The following ATXN10 variants were observed in gnomAD, a reference collection of about 807,000 sequenced individuals.
ATXN10 encodes ataxin 10.
ATXN10 carries 28 observed loss-of-function variants against 52.9 expected under a neutral mutation model. That is an observed-to-expected ratio of 0.53 (90% CI 0.39 to 0.73). The LOEUF (loss-of-function observed/expected upper bound fraction) is 0.73. Among genes scored for constraint, ATXN10 ranks in the 30% least tolerant of loss-of-function variants. ATXN10 has a pLI of 0.00. For synonymous variants in ATXN10, 226 were observed against 221.5 expected (o/e 1.02, Z -0.18); for missense variants, 565 against 577.0 (o/e 0.98, Z 0.21).
At chr22:45,791,631 C>G (rs1006994145) in intron 9 of ATXN10, among the ~76,000 whole-genome samples, 5 of 152,120 alleles carry the variant, frequency 3.3e-5, no homozygotes, top group Non-Finnish European at 7.4e-5. Flanking sequence ...AAAAGTCTGC[C>G]TGAACATGAT....
intron 1 of ATXN10, chr22:45,673,142 A>C (rs1569017974): frequency 6.6e-6 from 1 of 152,218 alleles, no homozygotes; most frequent in African/African-American, 2.4e-5. Context: ...CACTAAATGT[A>C]GCTGATATTA....
chr22:45,797,414 T>A (rs940570025), intron 9 of ATXN10, among the ~76,000 whole-genome samples: 1 of 152,234 alleles, frequency 6.6e-6, no homozygotes, highest in Non-Finnish European at 1.5e-5. Flanking sequence ...ATATCTCTAA[T>A]ATCCCAAGAT....
intron 3 of ATXN10, among the ~76,000 whole-genome samples, chr22:45,693,557 A>G (rs1007297076): frequency 6.6e-6 from 1 of 152,202 alleles, no homozygotes; most frequent in Non-Finnish European, 1.5e-5. Context: ...CTGCACCATC[A>G]TGACCTAGTC....
At position 45,684,061 on chromosome 22, in the gene ATXN10, T is replaced by C. The variant is rs2146730580; in HGVS notation, c.117-5651T>C. 6.6e-6 allele frequency among the ~76,000 whole-genome samples: 1 copy of C among 152,194 alleles called. No homozygotes were observed. The highest frequency in any genetic ancestry group is 1.5e-5 in the Non-Finnish European group (1 of 67,996). On this transcript the variant is annotated intron_variant, in intron 1 of 11. Transcript: ENST00000252934. This position sits in a 1 kb window ranked among gnomAD's most constrained non-coding sequence, Gnocchi z 4.1. ...TGAACTCCTGGGTTCAAGCAGTCCTTCTGCATCAGGCTCCCAAGTAGCTGG... is the reference window on the plus strand; with the variant it reads ...TGAACTCCTGGGTTCAAGCAGTCCTCCTGCATCAGGCTCCCAAGTAGCTGG...
In ATXN10 at chr22:45,817,135, A is replaced by C. The variant is rs187006412; in HGVS notation, c.1237+10113A>C. Among the ~76,000 whole-genome samples, 841 of 152,240 alleles carry C rather than the reference A, an allele frequency of 5.5e-3. 10 individuals are homozygous for C. Among genetic ancestry groups the C allele is most frequent in the African/African-American group, 0.019 (807 of 41,550 alleles). ...GTTTGATGCAGTGAATGACTAGGAC[A>C]TCTTCCTGCCAAAGCCAGCCTTTCT... is the stretch of plus-strand genomic sequence containing the variant. On this transcript the variant is annotated intron_variant, in intron 10 of 11. Coordinates refer to ENST00000252934, the MANE Select transcript of ATXN10 (RefSeq NM_013236.4).
intron 8 of ATXN10, among the ~76,000 whole-genome samples, chr22:45,740,128 A>G (rs927187144): frequency 1.3e-5 from 2 of 152,196 alleles, no homozygotes; most frequent in Admixed American, 1.3e-4. Context: ...GAGTTGGGGT[A>G]GTCATTATGG....
chr22:45,842,714 GTTCA>G lies in ATXN10; in HGVS notation c.1238-268_1238-265del, dbSNP rs1359933555. Among the ~76,000 whole-genome samples, 1 of 152,132 alleles carries G rather than the reference GTTCA, an allele frequency of 6.6e-6. No individual in the cohort carries two copies. The highest frequency in any genetic ancestry group is 1.5e-5 in the Non-Finnish European group (1 of 68,028). ...AGCTACTCTAAGTCTTTGCTTCCTT[GTTCA>G]TTCATTCAACAAATACTGAGTAAAT... On this transcript the variant is annotated intron_variant, in intron 10 of 11. Coordinates refer to ENST00000252934, the MANE Select transcript of ATXN10 (RefSeq NM_013236.4). The surrounding 1 kb of genome is among the most constrained non-coding windows in gnomAD (Gnocchi z 4.8).
In ATXN10 at chr22:45,826,375, A is replaced by C. The variant is rs944399549; in HGVS notation, c.1238-16616A>C. 3.3e-5 allele frequency among the ~76,000 whole-genome samples: 5 copies of C among 152,222 alleles called. No homozygotes were observed. Among genetic ancestry groups the C allele is most frequent in the African/African-American group, 4.8e-5 (2 of 41,452 alleles). ...AGGAAAAAGAGAAAAGGGCAGAGAG[A>C]ATATCTGAAGAAATAAGGACTGAAA... On this transcript the variant is annotated intron_variant, in intron 10 of 11. Transcript: ENST00000252934. This position sits in a 1 kb window ranked among gnomAD's most constrained non-coding sequence, Gnocchi z 5.0.
At chr22:45,756,037 TGGCCTTG>T (rs1025391521) in intron 9 of ATXN10, among the ~76,000 whole-genome samples, 1 of 152,206 alleles carries the variant, frequency 6.6e-6, no homozygotes, top group African/African-American at 2.4e-5. Flanking sequence ...GGCACAGACT[TGGCCTTG>T]GCCAAGTCTC....
chr22:45,824,559 A>G lies in ATXN10; in HGVS notation c.1237+17537A>G, dbSNP rs1928757044. On this transcript the variant is annotated intron_variant, in intron 10 of 11. Transcript: ENST00000252934. The surrounding 1 kb of genome is among the most constrained non-coding windows in gnomAD (Gnocchi z 5.2). ...TTAGTTGAAAATTGGTAAAGGGAAA[A>G]TGAGGAAACTCTAAGAATCGTGTCA... Among the ~76,000 whole-genome samples the G allele has an allele frequency of 6.6e-6, 1 of 152,196 alleles. No homozygotes were observed. Among genetic ancestry groups the G allele is most frequent in the African/African-American group, 2.4e-5 (1 of 41,446 alleles).
chr22:45,844,729 A>G lies in ATXN10; in HGVS notation c.*1058A>G, dbSNP rs988504525. The G allele has an allele frequency of 2.0e-5, 3 of 152,196 alleles. No individual in the cohort carries two copies. Among genetic ancestry groups the G allele is most frequent in the Admixed American group, 2.0e-4 (3 of 15,272 alleles). The allele number at this position is 152,196 out of a possible 1,614,324, so 9.4% of individuals were successfully genotyped here. A position where few individuals can be genotyped will look rare whatever the true frequency, so the allele number is the denominator to read the frequency against. ...TGCTTAAAACATATTATTTTCTTCAACAACCATATCGCTAAACTAATATAT... is the reference window on the plus strand; with the variant it reads ...TGCTTAAAACATATTATTTTCTTCAGCAACCATATCGCTAAACTAATATAT... On this transcript the variant is annotated 3_prime_UTR_variant, in exon 12 of 12. Coordinates refer to ENST00000252934, the MANE Select transcript of ATXN10 (RefSeq NM_013236.4).
intron 7 of ATXN10, among the ~76,000 whole-genome samples, chr22:45,737,203 G>A (rs535578834): frequency 2.6e-5 from 4 of 152,312 alleles, no homozygotes; most frequent in African/African-American, 7.2e-5. Context: ...ACTGCTGGCC[G>A]GTGGGAGCCT....
At position 45,715,617 on chromosome 22, in the gene ATXN10, G is replaced by A. The variant is rs1479414828; in HGVS notation, c.648-2796G>A. Among the ~76,000 whole-genome samples, 1 of 152,140 alleles carries A rather than the reference G, an allele frequency of 6.6e-6. No individual in the cohort carries two copies. The highest frequency in any genetic ancestry group is 6.5e-5 in the Admixed American group (1 of 15,270). ...CAATTCTTCTTCCAGTGTGGCCCAG[G>A]GAAGCCAAAAGATTGGACACCGCTG... is the stretch of plus-strand genomic sequence containing the variant. On this transcript the variant is annotated intron_variant, in intron 5 of 11. Transcript: ENST00000252934. The surrounding 1 kb of genome is among the most constrained non-coding windows in gnomAD (Gnocchi z 4.4).
At chr22:45,808,198 C>A (rs1232372002) in intron 10 of ATXN10, among the ~76,000 whole-genome samples, 1 of 152,066 alleles carries the variant, frequency 6.6e-6, no homozygotes, top group Non-Finnish European at 1.5e-5. Context: ...AGAGTGTTGA[C>A]ATTTTTTTAG....
chr22:45,676,178 G>C (rs1922681439), intron 1 of ATXN10: 1 of 151,066 alleles, frequency 6.6e-6, no homozygotes. Flanking sequence ...TTTTTCTAGA[G>C]AAGGGGGTCT....
intron 6 of ATXN10, among the ~76,000 whole-genome samples, chr22:45,725,858 A>G (rs1380228532): frequency 6.6e-6 from 1 of 151,964 alleles, no homozygotes; most frequent in Non-Finnish European, 1.5e-5. Context: ...CCAGATTTTT[A>G]TCATAAAGGG....
chr22:45,836,804 A>T (rs889859700), intron 10 of ATXN10, among the ~76,000 whole-genome samples: 4 of 152,226 alleles, frequency 2.6e-5, no homozygotes, highest in South Asian at 2.1e-4. Context: ...TCTACATTTT[A>T]CCATGGTCCG....
intron 6 of ATXN10, among the ~76,000 whole-genome samples, chr22:45,723,024 C>G (rs1242509901): frequency 1.3e-5 from 2 of 152,054 alleles, no homozygotes; most frequent in Non-Finnish European, 2.9e-5. Context: ...TTATACTTAG[C>G]AATAACTGTT....
intron 9 of ATXN10, among the ~76,000 whole-genome samples, chr22:45,799,080 G>GTT (rs1395772847): frequency 4.5e-5 from 2 of 44,584 alleles, no homozygotes; most frequent in Admixed American, 5.1e-4. Context: ...TTTGTGTTTT[G>GTT]TTTTTTGTTT....
Sources: gnomAD v4.1 joint callset for allele counts (sites outside exome capture counted in the v4.1 genomes callset) on GRCh38, gnomAD v4.1.1 for gene constraint, Gnocchi (gnomAD v3.1) non-coding constraint, MANE v1.5 for transcripts, NCBI Gene and HGNC (gene_info 2026-07-23, HGNC 2026-07-21) for gene names.